Variants in WWOX observed in about 807,000 individuals in gnomAD.
WWOX encodes WW domain containing oxidoreductase, also known as WW domain-containing oxidoreductase.
A neutral mutation model predicts 46.2 loss-of-function variants in WWOX; 69 were observed. The ratio of observed to expected loss-of-function variants is 1.49; its 90% CI spans 1.23 to 1.82. The LOEUF (loss-of-function observed/expected upper bound fraction) is 1.82. WWOX is among the 40% of genes most tolerant of loss of function. The pLI, the probability that WWOX is intolerant of heterozygous loss-of-function variation, is 0.00. For synonymous variants in WWOX, 359 were observed against 202.6 expected (o/e 1.77, Z -6.56); for missense variants, 919 against 542.6 (o/e 1.69, Z -6.89).
At chr16:78,330,587 A>T (rs1033241933) in intron 5 of WWOX, among the ~76,000 whole-genome samples, 7 of 152,248 alleles carry the variant, frequency 4.6e-5, no homozygotes, top group Admixed American at 1.3e-4. Context: ...AGTGGAGACG[A>T]GGTTTCACCG....
At chr16:79,040,706 G>C (rs2047954425) in intron 8 of WWOX, among the ~76,000 whole-genome samples, 2 of 152,070 alleles carry the variant, frequency 1.3e-5, no homozygotes, top group South Asian at 2.1e-4. Context: ...AAGAGTCACA[G>C]ATCATTGGGA....
intron 8 of WWOX, among the ~76,000 whole-genome samples, chr16:78,476,076 G>A (rs567944696): frequency 6.6e-6 from 1 of 152,174 alleles, no homozygotes; most frequent in African/African-American, 2.4e-5. Flanking sequence ...ATTGCCCCTG[G>A]AATCCCATCT....
At chr16:78,802,749 C>G (rs2050923299) in intron 8 of WWOX, among the ~76,000 whole-genome samples, 1 of 151,174 alleles carries the variant, frequency 6.6e-6, no homozygotes, top group African/African-American at 2.4e-5. Context: ...AGCCCCGTCT[C>G]TACTAAAAAT....
At chr16:78,206,296 T>C (rs922442743) in intron 5 of WWOX, among the ~76,000 whole-genome samples, 3 of 152,144 alleles carry the variant, frequency 2.0e-5, no homozygotes, top group Non-Finnish European at 2.9e-5. Flanking sequence ...ATATACTTTA[T>C]TTCTCGTTAA....
At chr16:78,841,728 G>C (rs375823082) in intron 8 of WWOX, among the ~76,000 whole-genome samples, 33 of 152,224 alleles carry the variant, frequency 2.2e-4, no homozygotes, top group African/African-American at 7.5e-4. Context: ...TCCTGTCCGA[G>C]AAGTTACCTT....
intron 8 of WWOX, among the ~76,000 whole-genome samples, chr16:78,694,215 A>G (rs1428552878): frequency 6.6e-6 from 1 of 152,154 alleles, no homozygotes; most frequent in African/African-American, 2.4e-5. Flanking sequence ...TGTGTCTCAA[A>G]AAATAAAATA....
intron 6 of WWOX, 73 bp downstream of exon 6, chr16:78,387,021 T>C: frequency 6.9e-7 from 1 of 1,445,024 alleles, no homozygotes; most frequent in East Asian, 2.3e-5. Context: ...TGAACACAAT[T>C]GGGAGAATGC....
chr16:78,790,023 C>A (rs1048616907), intron 8 of WWOX, among the ~76,000 whole-genome samples: 4 of 152,184 alleles, frequency 2.6e-5, no homozygotes, highest in Admixed American at 2.6e-4. Context: ...ATTGGACACT[C>A]AAGAGGATTA....
At chr16:78,166,405 A>G (rs763451746) in intron 5 of WWOX, among the ~76,000 whole-genome samples, 2 of 152,214 alleles carry the variant, frequency 1.3e-5, no homozygotes, top group Non-Finnish European at 2.9e-5. Context: ...TATTGGGCCT[A>G]AACTATGCTG....
intron 8 of WWOX, among the ~76,000 whole-genome samples, chr16:78,975,970 G>C (rs1051730925): frequency 2.6e-5 from 4 of 152,092 alleles, no homozygotes; most frequent in African/African-American, 7.2e-5. Flanking sequence ...CCTTTTAGTT[G>C]CCGGTGCTTG....
intron 5 of WWOX, among the ~76,000 whole-genome samples, chr16:78,252,508 A>G (rs527659014): frequency 2.6e-5 from 4 of 152,330 alleles, no homozygotes; most frequent in Admixed American, 1.3e-4. Context: ...TTGCCTTCCA[A>G]ACAAGTACAC....
At position 78,333,076 on chromosome 16, in the gene WWOX, G is replaced by C. The variant is rs1197427530; in HGVS notation, c.517-53784G>C. Among the ~76,000 whole-genome samples the C allele has an allele frequency of 1.2e-4, 6 of 51,130 alleles. 1 individual carries two copies. The highest frequency in any genetic ancestry group is 3.4e-4 in the Non-Finnish European group (6 of 17,654). The allele number at this position is 51,130 out of a possible 152,430, so 33.5% of individuals were successfully genotyped here. ...TTTTTTTTTTTTTTTTTGAGACAGA[G>C]TCTAGCTCTGTCACCCAGGCCTGGA... On this transcript the variant is annotated intron_variant, in intron 5 of 8. Transcript: ENST00000566780.
At chr16:78,451,981 A>G (rs530806416) in intron 8 of WWOX, among the ~76,000 whole-genome samples, 26 of 152,308 alleles carry the variant, frequency 1.7e-4, no homozygotes, top group African/African-American at 5.5e-4. Context: ...TATTAATGCA[A>G]TGGTTAGCAT....
chr16:78,169,904 G>A (rs188535661), intron 5 of WWOX, among the ~76,000 whole-genome samples: 1 of 152,190 alleles, frequency 6.6e-6, no homozygotes, highest in African/African-American at 2.4e-5. Flanking sequence ...AAGAGCTTCT[G>A]TTGGGGACTG....
intron 8 of WWOX, among the ~76,000 whole-genome samples, chr16:78,809,816 G>C (rs1346089496): frequency 1.3e-5 from 2 of 152,240 alleles, no homozygotes; most frequent in Non-Finnish European, 1.5e-5. Context: ...GCTCCTAAAA[G>C]CTCTTGGGTC....
intron 5 of WWOX, among the ~76,000 whole-genome samples, chr16:78,209,220 TGTGACTGTGAC>T (rs146331784): frequency 0.063 from 9,587 of 152,288 alleles, 389 homozygotes; most frequent in Middle Eastern, 0.11. Flanking sequence ...GTTGTCGTGA[TGTGACTGTGAC>T]GTTACCTGAG....
chr16:79,016,166 T>G (rs1041170285), intron 8 of WWOX: 1 of 152,288 alleles, frequency 6.6e-6, no homozygotes, highest in African/African-American at 2.4e-5. Flanking sequence ...CCTGAATGTT[T>G]CAGAAAGAAA....
At chr16:78,658,664 C>T (rs997134239) in intron 8 of WWOX, among the ~76,000 whole-genome samples, 1 of 152,238 alleles carries the variant, frequency 6.6e-6, no homozygotes, top group East Asian at 1.9e-4. Flanking sequence ...CTTCACATGG[C>T]CATCTTCACT....
At chr16:78,972,474 A>G (rs1365146782) in intron 8 of WWOX, among the ~76,000 whole-genome samples, 1 of 151,594 alleles carries the variant, frequency 6.6e-6, no homozygotes, top group Non-Finnish European at 1.5e-5. Flanking sequence ...AGGGGTGAAA[A>G]AAAAAAAAAA....
Sources: allele counts gnomAD v4.1 joint callset (sites outside exome capture counted in the v4.1 genomes callset), GRCh38; gene constraint gnomAD v4.1.1; transcripts MANE v1.5; gene names NCBI Gene and HGNC (gene_info 2026-07-23, HGNC 2026-07-21).